PITPNM2: variants seen among roughly 807,000 people sequenced by gnomAD.
PITPNM2 encodes phosphatidylinositol transfer protein membrane associated 2.
A neutral mutation model predicts 132.2 loss-of-function variants in PITPNM2; 35 were observed. The ratio of observed to expected loss-of-function variants is 0.26; its 90% CI spans 0.20 to 0.35. PITPNM2 has a LOEUF of 0.35. Among genes scored for constraint, PITPNM2 ranks in the 10% least tolerant of loss-of-function variants. The probability of loss-of-function intolerance (pLI) is 1.00; values close to 1 mark genes in which losing one functional copy is unlikely to be tolerated. For synonymous variants in PITPNM2, 738 were observed against 799.2 expected, an observed-to-expected ratio of 0.92 and a Z score of 1.29; for missense variants, 1,332 against 1,912.0, an observed-to-expected ratio of 0.70 and a Z score of 5.66.
chr12:123,145,336 G>A (rs1283814031), intron 1 of PITPNM2, among the ~76,000 whole-genome samples: 2 of 152,164 alleles, frequency 1.3e-5, no homozygotes, highest in Non-Finnish European at 2.9e-5. Context: ...ACACCCAATA[G>A]GGAGTTTGAG....
rs2042428177 is a variant in PITPNM2 at position 123,097,034 on chromosome 12, T to C, written c.-96+13351A>G. On this transcript the variant is annotated intron_variant, in intron 2 of 25. Coordinates refer to ENST00000320201, the MANE Select transcript of PITPNM2 (RefSeq NM_020845.3). This position sits in a 1 kb window ranked among gnomAD's most constrained non-coding sequence, Gnocchi z 4.7. ...CTTTATTTTTATTATTATTTATTTA[T>C]TTATTTATTTTTAATTTATTTTTTT... Among the ~76,000 whole-genome samples, 1 of 152,004 alleles carries C rather than the reference T, an allele frequency of 6.6e-6. No homozygotes were observed. The highest frequency in any genetic ancestry group is 1.5e-5 in the Non-Finnish European group (1 of 67,998).
At chr12:123,089,396 AG>A (rs2042200218) in intron 2 of PITPNM2, 1 of 152,194 alleles carries the variant, frequency 6.6e-6, no homozygotes, top group South Asian at 2.1e-4. Flanking sequence ...GGGTCACTCA[AG>A]GCTCTAAAAT....
At chr12:123,113,301 G>A (rs2042876879) in intron 1 of PITPNM2, among the ~76,000 whole-genome samples, 1 of 152,230 alleles carries the variant, frequency 6.6e-6, no homozygotes, top group African/African-American at 2.4e-5. Flanking sequence ...TGGAACCACG[G>A]CAAACTGTCC....
intron 4 of PITPNM2, 101 bp from the exon 5 acceptor site, chr12:123,012,835 C>T: frequency 1.1e-5 from 17 of 1,487,506 alleles, no homozygotes; most frequent in South Asian, 3.8e-5. Context: ...AGCTGGTGAG[C>T]GGGCATGGAA....
intron 3 of PITPNM2, among the ~76,000 whole-genome samples, chr12:123,030,486 G>A (rs2040045039): frequency 6.6e-6 from 1 of 152,122 alleles, no homozygotes; most frequent in Admixed American, 6.6e-5. Flanking sequence ...GAGGTCAGGA[G>A]CTCGAGACCA....
chr12:123,129,758 G>C (rs778182235), intron 1 of PITPNM2, among the ~76,000 whole-genome samples: 6 of 152,044 alleles, frequency 3.9e-5, no homozygotes, highest in Non-Finnish European at 8.8e-5. Flanking sequence ...TGTACTGGGG[G>C]AACACAGAGA....
Position 123,117,857 on chromosome 12 carries a change from T to C in PITPNM2, c.-199-7369A>G, listed in dbSNP as rs1191362055. 1.3e-5 allele frequency among the ~76,000 whole-genome samples: 2 copies of C among 152,246 alleles called. No homozygotes were observed. Among genetic ancestry groups the C allele is most frequent in the Non-Finnish European group, 2.9e-5 (2 of 68,042 alleles). The stretch of plus-strand genomic sequence containing the variant: ...AGGTGAGGCTACGGGACTAGTTATA[T>C]GAGTAGGGGAGGTCCACCACTTCAA... On this transcript the variant is annotated intron_variant, in intron 1 of 25. Transcript: ENST00000320201. The surrounding 1 kb of genome is among the most constrained non-coding windows in gnomAD (Gnocchi z 4.7).
chr12:123,151,159 A>AGCGGCG (rs1048978238), upstream of PITPNM2, among the ~76,000 whole-genome samples: 11 of 143,302 alleles, frequency 7.7e-5, no homozygotes, highest in South Asian at 4.3e-4. Context: ...CGCGCGGGGG[A>AGCGGCG]GCGGCGGCGG....
rs1420670410 is a variant in PITPNM2 at position 123,004,125 on chromosome 12, G to A, written c.1048+269C>T. 1.3e-5 allele frequency among the ~76,000 whole-genome samples: 2 copies of A among 152,150 alleles called. No homozygotes were observed. The highest frequency in any genetic ancestry group is 2.9e-5 in the Non-Finnish European group (2 of 68,026). On this transcript the variant is annotated intron_variant, in intron 8 of 25. Transcript: ENST00000320201. This position sits in a 1 kb window ranked among gnomAD's most constrained non-coding sequence, Gnocchi z 4.9. ...TGTATCCTTATTTGGGGTTTCAAGAGCGCAGTCCCCATCTGCCAGGCCCAC... is the reference window on the plus strand; with the variant it reads ...TGTATCCTTATTTGGGGTTTCAAGAACGCAGTCCCCATCTGCCAGGCCCAC...
In PITPNM2 at chr12:123,030,566, G is replaced by A. The variant is rs59312127; in HGVS notation, c.78+3947C>T. On this transcript the variant is annotated intron_variant, in intron 3 of 25. Transcript: ENST00000320201. ...AAATTAGCCAGGGGTGGTGGCACGC[G>A]CCTGTAGACCCAGCTACTCGGGAGG... Among the ~76,000 whole-genome samples, 988 of 152,090 alleles carry A rather than the reference G, an allele frequency of 6.5e-3. 13 individuals carry two copies. Among genetic ancestry groups the A allele is most frequent in the African/African-American group, 0.022 (932 of 41,470 alleles).
Position 123,130,551 on chromosome 12 carries a change from C to T in PITPNM2, c.-199-20063G>A, listed in dbSNP as rs1790119. 1.3e-4 allele frequency among the ~76,000 whole-genome samples: 20 copies of T among 151,920 alleles called. No homozygotes were observed. In the South Asian group the frequency reaches 2.5e-3, roughly 19 times the overall value. ...ATCCCAGCACTTTGGGAGGCCGAGG[C>T]GGGCGGATCACGAGGTCAGGAGATC... is the stretch of plus-strand genomic sequence containing the variant. On this transcript the variant is annotated intron_variant, in intron 1 of 25. Transcript: ENST00000320201.
At chr12:123,127,132 A>G (rs1043980851) in intron 1 of PITPNM2, among the ~76,000 whole-genome samples, 2 of 152,172 alleles carry the variant, frequency 1.3e-5, no homozygotes, top group Non-Finnish European at 2.9e-5. Context: ...GAAATAATGG[A>G]CTTCCAGGCT....
At chr12:123,092,984 A>G (rs573863244) in intron 2 of PITPNM2, among the ~76,000 whole-genome samples, 10 of 152,360 alleles carry the variant, frequency 6.6e-5, no homozygotes, top group African/African-American at 2.4e-4. Context: ...CTTGTGATCC[A>G]TGGATGTGTG....
At chr12:123,057,118 C>T (rs576306163) in intron 2 of PITPNM2, among the ~76,000 whole-genome samples, 6 of 152,076 alleles carry the variant, frequency 3.9e-5, no homozygotes, top group Non-Finnish European at 8.8e-5. Context: ...TGGTGGTTCA[C>T]GCCTGCAATC....
chr12:123,036,827 A>AT lies in PITPNM2; in HGVS notation c.-95-2143dup, dbSNP rs1566260455. ...GGTGGCCCCAGGCCCTGCTATATCCATAAGGACTCTTGCTAGGAGGGGCTT... is the reference window on the plus strand; with the variant it reads ...GGTGGCCCCAGGCCCTGCTATATCCATTAAGGACTCTTGCTAGGAGGGGCTT... On this transcript the variant is annotated intron_variant, in intron 2 of 25. Coordinates refer to ENST00000320201, the MANE Select transcript of PITPNM2 (RefSeq NM_020845.3). The surrounding 1 kb of genome is among the most constrained non-coding windows in gnomAD (Gnocchi z 4.1). Among the ~76,000 whole-genome samples, 2 of 152,220 alleles carry AT rather than the reference A, an allele frequency of 1.3e-5. No individual in the cohort carries two copies. Among genetic ancestry groups the AT allele is most frequent in the South Asian group, 4.1e-4 (2 of 4,822 alleles).
intron 8 of PITPNM2, among the ~76,000 whole-genome samples, chr12:123,003,452 G>A (rs1023514454): frequency 1.3e-5 from 2 of 152,184 alleles, no homozygotes; most frequent in Non-Finnish European, 2.9e-5. Flanking sequence ...CCCCTCCTCC[G>A]TCCTGGGCAA....
At chr12:123,149,297 C>A (rs2043680706) in intron 1 of PITPNM2, among the ~76,000 whole-genome samples, 1 of 152,164 alleles carries the variant, frequency 6.6e-6, no homozygotes, top group Non-Finnish European at 1.5e-5. Context: ...GGAGTCTTTG[C>A]CTGGCCATCT....
chr12:123,086,822 C>T (rs192333929), intron 2 of PITPNM2, among the ~76,000 whole-genome samples: 14 of 152,280 alleles, frequency 9.2e-5, no homozygotes, highest in Non-Finnish European at 1.5e-5. Context: ...GACCTACAGC[C>T]GGCTTGCACA....
chr12:123,078,328 C>A lies in PITPNM2; in HGVS notation c.-96+32057G>T, dbSNP rs4148861. 8.5e-5 allele frequency among the ~76,000 whole-genome samples: 13 copies of A among 152,252 alleles called. No individual in the cohort carries two copies. Among genetic ancestry groups the A allele is most frequent in the Admixed American group, 2.0e-4 (3 of 15,298 alleles). ...CAGGTGGCCAGGCGGGGAGGGGTAC[C>A]GGCCAGACCGGTGGGCAAAAGCAGC... On this transcript the variant is annotated intron_variant, in intron 2 of 25. Coordinates refer to ENST00000320201, the MANE Select transcript of PITPNM2 (RefSeq NM_020845.3). This position sits in a 1 kb window ranked among gnomAD's most constrained non-coding sequence, Gnocchi z 7.3.
Sources: allele counts gnomAD v4.1 joint callset (sites outside exome capture counted in the v4.1 genomes callset), GRCh38; gene constraint gnomAD v4.1.1; non-coding constraint Gnocchi (gnomAD v3.1); transcripts MANE v1.5; gene names NCBI Gene and HGNC (gene_info 2026-07-23, HGNC 2026-07-21).